STARD9: variants seen among roughly 807,000 people sequenced by gnomAD.
STARD9 encodes StAR related lipid transfer domain containing 9.
A neutral mutation model predicts 399.8 loss-of-function variants in STARD9; 346 were observed. The ratio of observed to expected loss-of-function variants is 0.87; its 90% CI spans 0.79 to 0.95. The LOEUF (loss-of-function observed/expected upper bound fraction) is 0.95. Among genes scored for constraint, STARD9 ranks in the 40% least tolerant of loss-of-function variants. The pLI is 0.00. For synonymous variants in STARD9, 2,203 were observed against 2,143.5 expected, an observed-to-expected ratio of 1.03 and a Z score of -0.77; for missense variants, 5,832 against 5,667.5, an observed-to-expected ratio of 1.03 and a Z score of -0.93.
chr15:42,684,728 TAGGGTCAGAAATATTACCAAA>T lies in STARD9; in HGVS notation c.3152_3172del (p.Arg1051_Lys1057del). The stretch of plus-strand genomic sequence containing the variant: ...AAAGGCATCAGAGGGTTCTGGCAAC[TAGGGTCAGAAATATTACCAAA>T]AAGTCCTCTCACTTGCCTCTTGGCA... On this transcript the variant is annotated inframe_deletion, in exon 23 of 33. Coordinates refer to ENST00000290607, the MANE Select transcript of STARD9 (RefSeq NM_020759.3). The T allele has an allele frequency of 1.3e-6, 2 of 1,537,210 alleles. No homozygotes were observed. Among genetic ancestry groups the T allele is most frequent in the Non-Finnish European group, 1.7e-6 (2 of 1,146,918 alleles).
intron 3 of STARD9, among the ~76,000 whole-genome samples, chr15:42,616,914 A>G (rs2058974606): frequency 6.6e-6 from 1 of 151,748 alleles, no homozygotes; most frequent in South Asian, 2.1e-4. Flanking sequence ...AAAAAATACA[A>G]AAAGAAAGTT....
intron 3 of STARD9, among the ~76,000 whole-genome samples, chr15:42,623,238 G>A (rs577129317): frequency 6.6e-6 from 1 of 151,956 alleles, no homozygotes; most frequent in African/African-American, 2.4e-5. Flanking sequence ...GGCAACAAGA[G>A]CGAAACTCTG....
chr15:42,708,402 G>T (rs2061136287), intron 26 of STARD9, among the ~76,000 whole-genome samples: 1 of 152,172 alleles, frequency 6.6e-6, no homozygotes, highest in African/African-American at 2.4e-5. Flanking sequence ...CTATGGTTGT[G>T]TTCCCACTAC....
chr15:42,630,388 G>T (rs2059309692), intron 3 of STARD9, among the ~76,000 whole-genome samples: 1 of 152,134 alleles, frequency 6.6e-6, no homozygotes, highest in Admixed American at 6.6e-5. Context: ...AGGGATATTA[G>T]CCTGTAATTT....
intron 22 of STARD9, 131 bp from the exon 23 acceptor site, chr15:42,683,985 T>C: frequency 1.0e-6 from 1 of 987,346 alleles, no homozygotes; most frequent in Non-Finnish European, 1.4e-6. Flanking sequence ...TTTCCTTTTA[T>C]ACCTGGAGAG....
rs1225567052 is a variant in STARD9 at position 42,681,127 on chromosome 15, C to A, written c.1875-295C>A. ...GAATTTAGCTAAAATGTTTTTGTGT[C>A]TTTTTAAAAAGAACAACTTTCCTGG... On this transcript the variant is annotated intron_variant, in intron 20 of 32. Coordinates refer to ENST00000290607, the MANE Select transcript of STARD9 (RefSeq NM_020759.3). 2.0e-5 allele frequency among the ~76,000 whole-genome samples: 3 copies of A among 152,108 alleles called. No homozygotes were observed. The East Asian group carries it at 5.8e-4, about 29-fold the overall frequency.
intron 3 of STARD9, among the ~76,000 whole-genome samples, chr15:42,619,119 G>A (rs1365498179): frequency 3.3e-5 from 5 of 151,856 alleles, no homozygotes; most frequent in African/African-American, 4.8e-5. Flanking sequence ...ATATGGTAAA[G>A]TTTACTTTTT....
At chr15:42,661,105 GA>G in intron 9 of STARD9, 52 bp from the exon 10 acceptor site, 2 of 1,349,234 alleles carry the variant, frequency 1.5e-6, no homozygotes, top group Non-Finnish European at 2.0e-6. Context: ...GTTCTAAGGG[GA>G]AAACAATACA....
chr15:42,694,345 A>G lies in STARD9; in HGVS notation c.12764+3A>G, dbSNP rs1215560510. 2.0e-6 allele frequency: 3 copies of G among 1,531,556 alleles called. No individual in the cohort carries two copies. The highest frequency in any genetic ancestry group is 2.6e-6 in the Non-Finnish European group (3 of 1,143,768). 94.9% of individuals were successfully genotyped at this position (1,531,556 alleles called of 1,614,324 possible). ...ACCTGGAAGGAGCTCTATGCACGGT[A>G]AGGACCCCCAGCCTGGAGTCGGGAG... On this transcript the variant is annotated splice_donor_region_variant and intron_variant, in intron 23 of 32. Coordinates refer to ENST00000290607, the MANE Select transcript of STARD9 (RefSeq NM_020759.3).
In STARD9 at chr15:42,642,737, A is replaced by T. The variant is rs977814779; in HGVS notation, c.559+3925A>T. The stretch of plus-strand genomic sequence containing the variant: ...ATTAAGTAATATATTTGCAATAGTG[A>T]TTGTTTTTAATAGATATTCTATATG... On this transcript the variant is annotated intron_variant, in intron 7 of 32. Transcript: ENST00000290607. Among the ~76,000 whole-genome samples the T allele has an allele frequency of 2.6e-5, 4 of 152,172 alleles. No homozygotes were observed. In the East Asian group the frequency reaches 7.7e-4, roughly 29 times the overall value.
chr15:42,708,184 T>TA (rs933397230), intron 26 of STARD9, among the ~76,000 whole-genome samples: 1 of 152,214 alleles, frequency 6.6e-6, no homozygotes, highest in African/African-American at 2.4e-5. Context: ...AATCATCTTT[T>TA]AAAGTTTGAT....
rs752656492 is a variant in STARD9, at chr15:42,675,893, C to T, written c.1792C>T (p.Arg598Cys). ...RRQVGEAAAG[R>C]GSLEWLDLDG... The stretch of plus-strand genomic sequence containing the variant: ...CAAGGTTGGAGAGGCTGCTGCTGGT[C>T]GTGGCTCGTTGGAGTGGCTGGATTT... The change falls in exon 20 of 33, where the codon CGT becomes TGT. Residue 598 changes from arginine to cysteine, a missense_variant. This residue lies in a region of STARD9 where 5,828 missense variants were observed against 5,651.1 expected (regional missense o/e 1.03). Coordinates refer to ENST00000290607, the MANE Select transcript of STARD9 (RefSeq NM_020759.3). The T allele has an allele frequency of 1.8e-5, 27 of 1,537,126 alleles. No homozygotes were observed. In the Admixed American group the frequency reaches 3.1e-4, roughly 18 times the overall value.
rs1273308005 is a variant in STARD9 at position 42,686,892 on chromosome 15, C to T, written c.5314C>T (p.Pro1772Ser). 1.3e-6 allele frequency: 2 copies of T among 1,536,722 alleles called. No individual in the cohort carries two copies. Among genetic ancestry groups the T allele is most frequent in the African/African-American group, 2.7e-5 (2 of 73,030 alleles). The stretch of plus-strand genomic sequence containing the variant: ...TCCAGCTTGCAGAGAAGTAAGGGTA[C>T]CCTCCCCACCCCCCAGGGAAGCCTG... ...EIPACREVRV[P>S]SPPPREAWGF... The change falls in exon 23 of 33, where the codon CCC becomes TCC. Residue 1772 changes from proline to serine, a missense_variant. Pro to Ser is a moderately conservative substitution (Grantham distance 74). Transcript: ENST00000290607.
At chr15:42,715,382 T>C (rs1595832075) in intron 26 of STARD9, among the ~76,000 whole-genome samples, 1 of 150,894 alleles carries the variant, frequency 6.6e-6, no homozygotes, top group Non-Finnish European at 1.5e-5. Flanking sequence ...AAGAGGAGGG[T>C]TTTAAAGATG....
Position 42,586,991 on chromosome 15 carries a change from G to A in STARD9, c.234+1354G>A, listed in dbSNP as rs143440000. 8.9e-3 allele frequency among the ~76,000 whole-genome samples: 1,355 copies of A among 152,084 alleles called. 25 individuals carry two copies. The highest frequency in any genetic ancestry group is 0.031 in the African/African-American group (1,294 of 41,470). The stretch of plus-strand genomic sequence containing the variant: ...CCACCACAGCCTCCTGAGTAGCTGG[G>A]ACTACAGGTGTGTGCCCCCATGCCC... On this transcript the variant is annotated intron_variant, in intron 3 of 32. Coordinates refer to ENST00000290607, the MANE Select transcript of STARD9 (RefSeq NM_020759.3).
chr15:42,676,841 G>A (rs955571677), intron 20 of STARD9, among the ~76,000 whole-genome samples: 2 of 152,176 alleles, frequency 1.3e-5, no homozygotes, highest in African/African-American at 2.4e-5. Flanking sequence ...ATGATGGCCC[G>A]TAGTTTCTTC....
At chr15:42,679,086 C>T (rs1424257476) in intron 20 of STARD9, among the ~76,000 whole-genome samples, 1 of 152,282 alleles carries the variant, frequency 6.6e-6, no homozygotes, top group Non-Finnish European at 1.5e-5. Flanking sequence ...GAAAGCCAGA[C>T]AAGGAGACTG....
chr15:42,602,843 C>G (rs572280776), intron 3 of STARD9, among the ~76,000 whole-genome samples: 27 of 152,322 alleles, frequency 1.8e-4, no homozygotes, highest in Non-Finnish European at 2.9e-4. Flanking sequence ...GCCAAGACCC[C>G]CAACTCCTTC....
intron 26 of STARD9, among the ~76,000 whole-genome samples, chr15:42,699,595 A>G (rs544930217): frequency 0.01 from 1,578 of 151,628 alleles, 28 homozygotes; most frequent in African/African-American, 0.035. Flanking sequence ...GGGTTTCACC[A>G]TGTTAGCCAG....
Sources: allele counts gnomAD v4.1 joint callset (sites outside exome capture counted in the v4.1 genomes callset), GRCh38; gene constraint gnomAD v4.1.1; regional missense constraint gnomAD v4.1.1; transcripts MANE v1.5; gene names NCBI Gene and HGNC (gene_info 2026-07-23, HGNC 2026-07-21).